Variants in INTU observed in about 807,000 individuals in gnomAD.
INTU encodes inturned planar cell polarity protein.
A neutral mutation model predicts 100.5 loss-of-function variants in INTU; 68 were observed. That is an observed-to-expected ratio of 0.68 (90% CI 0.56 to 0.83). The LOEUF (loss-of-function observed/expected upper bound fraction) is 0.83, where lower values mean the gene tolerates loss of function less well. INTU is among the 40% of genes least tolerant of loss of function. INTU has a pLI of 0.00. For synonymous variants in INTU, 357 were observed against 395.7 expected (o/e 0.90, Z 1.16); for missense variants, 1,071 against 1,114.7 (o/e 0.96, Z 0.56).
At chr4:127,670,840 T>C (rs1224265710) in intron 5 of INTU, among the ~76,000 whole-genome samples, 1 of 151,856 alleles carries the variant, frequency 6.6e-6, no homozygotes, top group Non-Finnish European at 1.5e-5. Flanking sequence ...TTTGACAAAG[T>C]TGACAAAAAT....
Position 127,705,670 on chromosome 4 carries a change from C to G in INTU, c.1646C>G (p.Pro549Arg). 6.2e-7 allele frequency: 1 copy of G among 1,613,774 alleles called. No homozygotes were observed. The highest frequency in any genetic ancestry group is 1.1e-5 in the South Asian group (1 of 91,074). ...AVYCRHYCLL[P>R]LAAKQRIGQL... ...TACTGTCGCCACTATTGCCTGCTGC[C>G]TTTAGCAGCAAAACAAAGAATTGGT... The change falls in exon 11 of 16, where the codon CCT becomes CGT. Residue 549 changes from proline to arginine, a missense_variant. By Grantham distance (103) the Pro-to-Arg change is moderately radical. Coordinates refer to ENST00000335251, the MANE Select transcript of INTU (RefSeq NM_015693.4).
At chr4:127,648,157 C>CT (rs1305397185) in intron 2 of INTU, among the ~76,000 whole-genome samples, 2 of 152,116 alleles carry the variant, frequency 1.3e-5, no homozygotes. Context: ...AATTCATTCC[C>CT]TTTTAGCCTT....
chr4:127,695,579 T>C (rs773685295), intron 8 of INTU, among the ~76,000 whole-genome samples: 1 of 152,246 alleles, frequency 6.6e-6, no homozygotes, highest in South Asian at 2.1e-4. Context: ...AGGGTTAATA[T>C]AGAAAATTGT....
rs370253366 is a variant in INTU, at chr4:127,655,010, T to C, written c.683-1626T>C. ...GCTGATACCCTTTCTTCCAGTTGATTGCATCGGCTCCTGAGGCTTCTGCAT... is the reference window on the plus strand; with the variant it reads ...GCTGATACCCTTTCTTCCAGTTGATCGCATCGGCTCCTGAGGCTTCTGCAT... On this transcript the variant is annotated intron_variant, in intron 2 of 15. Coordinates refer to ENST00000335251, the MANE Select transcript of INTU (RefSeq NM_015693.4). Among the ~76,000 whole-genome samples, 216 of 152,028 alleles carry C rather than the reference T, an allele frequency of 1.4e-3. 1 individual carries two copies. Among genetic ancestry groups the C allele is most frequent in the African/African-American group, 4.6e-3 (189 of 41,442 alleles).
chr4:127,725,297 G>A lies in INTU; in HGVS notation c.*8861G>A, dbSNP rs1461016310. 6.6e-6 allele frequency: 1 copy of A among 152,012 alleles called. No homozygotes were observed. Among genetic ancestry groups the A allele is most frequent in the East Asian group, 1.9e-4 (1 of 5,188 alleles). 9.4% of individuals were successfully genotyped at this position (152,012 alleles called of 1,614,324 possible). ...CACTCCAGCCTGGGCAACAGAACGAGGCTCTGTTTAAAAAACAAAAAAGCT... is the reference window on the plus strand; with the variant it reads ...CACTCCAGCCTGGGCAACAGAACGAAGCTCTGTTTAAAAAACAAAAAAGCT... On this transcript the variant is annotated 3_prime_UTR_variant, in exon 16 of 16. Transcript: ENST00000335251.
At chr4:127,700,129 C>A in intron 9 of INTU, 66 bp downstream of exon 9, 1 of 1,201,882 alleles carries the variant, frequency 8.3e-7, no homozygotes, top group South Asian at 1.4e-5. Flanking sequence ...AGTCATTATT[C>A]TAAATATTTA....
chr4:127,679,610 AG>A (rs1335063359), intron 6 of INTU, among the ~76,000 whole-genome samples: 1 of 152,206 alleles, frequency 6.6e-6, no homozygotes, highest in Non-Finnish European at 1.5e-5. Flanking sequence ...AGCAGTGCAT[AG>A]AGGGAAATTT....
At position 127,720,219 on chromosome 4, in the gene INTU, C is replaced by T. The variant is rs1336292425; in HGVS notation, c.*3783C>T. ...GGTTTCAAAGAACTTCTTGATTTCTCTCTTAATTTCATTATTTACCCAGGA... is the reference window on the plus strand; with the variant it reads ...GGTTTCAAAGAACTTCTTGATTTCTTTCTTAATTTCATTATTTACCCAGGA... On this transcript the variant is annotated 3_prime_UTR_variant, in exon 16 of 16. Transcript: ENST00000335251. 6.6e-6 allele frequency: 1 copy of T among 152,038 alleles called. No individual in the cohort carries two copies. The highest frequency in any genetic ancestry group is 1.5e-5 in the Non-Finnish European group (1 of 67,962). The allele number at this position is 152,038 out of a possible 1,614,324, so 9.4% of individuals were successfully genotyped here.
In INTU at chr4:127,687,665, CTT is replaced by C. The variant is rs1308295877; in HGVS notation, c.1260-12_1260-11del. The stretch of plus-strand genomic sequence containing the variant: ...CCATATGTCGTTCTAACTTACAGCT[CTT>C]ATTTCTCCAGTGCCTTTTGCCAGAT... On this transcript the variant is annotated splice_polypyrimidine_tract_variant and intron_variant, in intron 7 of 15. Transcript: ENST00000335251. 1 of 1,599,616 alleles carries C rather than the reference CTT, an allele frequency of 6.3e-7. No homozygotes were observed. Among genetic ancestry groups the C allele is most frequent in the African/African-American group, 1.3e-5 (1 of 74,706 alleles).
rs548793007 is a variant in INTU at position 127,682,938 on chromosome 4, T to C, written c.1182-1471T>C. 7.4e-4 allele frequency among the ~76,000 whole-genome samples: 112 copies of C among 152,170 alleles called. 1 individual carries two copies. Among genetic ancestry groups the C allele is most frequent in the African/African-American group, 2.6e-3 (107 of 41,520 alleles). On this transcript the variant is annotated intron_variant, in intron 6 of 15. Coordinates refer to ENST00000335251, the MANE Select transcript of INTU (RefSeq NM_015693.4). ...ATACAGTGGTGAGATAAAGGTAGCA[T>C]AGGCAGTTAGAGAGAGGAAAGGCAG... is the stretch of plus-strand genomic sequence containing the variant.
Position 127,691,962 on chromosome 4 carries a change from G to GTGTATATATATATA in INTU, c.1449+4096_1449+4097insGTATATATATATAT. Among the ~76,000 whole-genome samples the GTGTATATATATATA allele has an allele frequency of 8.2e-3, 809 of 98,216 alleles. 118 individuals carry two copies. The highest frequency in any genetic ancestry group is 0.012 in the South Asian group (29 of 2,482). The allele number at this position is 98,216 out of a possible 152,430, so 64.4% of individuals were successfully genotyped here. A position where few individuals can be genotyped will look rare whatever the true frequency, so the allele number is the denominator to read the frequency against. On this transcript the variant is annotated intron_variant, in intron 8 of 15. Coordinates refer to ENST00000335251, the MANE Select transcript of INTU (RefSeq NM_015693.4). ...GGCGGAGTATAGTGTTCCATGGTATGTATATATATATATATATATGTCACA... is the reference window on the plus strand; with the variant it reads ...GGCGGAGTATAGTGTTCCATGGTATGTGTATATATATATATATATATATATATATATATGTCACA...
At position 127,719,761 on chromosome 4, in the gene INTU, T is replaced by C. The variant is rs975436470; in HGVS notation, c.*3325T>C. 2 of 152,212 alleles carry C rather than the reference T, an allele frequency of 1.3e-5. No homozygotes were observed. The highest frequency in any genetic ancestry group is 4.8e-5 in the African/African-American group (2 of 41,458). The allele number at this position is 152,212 out of a possible 1,614,324, so 9.4% of individuals were successfully genotyped here. A position where few individuals can be genotyped will look rare whatever the true frequency, so the allele number is the denominator to read the frequency against. On this transcript the variant is annotated 3_prime_UTR_variant, in exon 16 of 16. Coordinates refer to ENST00000335251, the MANE Select transcript of INTU (RefSeq NM_015693.4). ...TCCATTTCTTCTAGATTTTCGAGTT[T>C]ATTTGCACCGAGCTGTTATAGTATT...
chr4:127,663,231 G>A (rs766940420), intron 3 of INTU, 150 bp from the exon 4 acceptor site: 54 of 592,514 alleles, frequency 9.1e-5, no homozygotes, highest in Middle Eastern at 4.5e-4. Flanking sequence ...AATAGAATAC[G>A]TAGTCCCAGC....
At position 127,687,757 on chromosome 4, in the gene INTU, A is replaced by C; in HGVS notation, c.1339A>C (p.Lys447Gln). ...LFFQRALQPA[K>Q]LHSSASPSAQ... ...CTTTCAAAGAGCACTTCAGCCTGCG[A>C]AACTGCATTCCAGCGCCAGTCCCAG... is the stretch of plus-strand genomic sequence containing the variant. The change falls in exon 8 of 16, where the codon AAA becomes CAA. Residue 447 changes from lysine to glutamine, a missense_variant. Physicochemically the swap from Lys to Gln is moderately conservative, Grantham distance 53. Coordinates refer to ENST00000335251, the MANE Select transcript of INTU (RefSeq NM_015693.4). 6.2e-7 allele frequency: 1 copy of C among 1,613,672 alleles called. No individual in the cohort carries two copies.
chr4:127,709,593 C>T (rs536076428), intron 13 of INTU, among the ~76,000 whole-genome samples: 1 of 152,088 alleles, frequency 6.6e-6, no homozygotes, highest in African/African-American at 2.4e-5. Flanking sequence ...TGTGGTGACA[C>T]GCAGGTCTGC....
rs756520828 is a variant in INTU, at chr4:127,706,946, G to A, written c.2248G>A (p.Glu750Lys). 2 of 1,613,528 alleles carry A rather than the reference G, an allele frequency of 1.2e-6. No homozygotes were observed. The highest frequency in any genetic ancestry group is 2.2e-5 in the East Asian group (1 of 44,882). The change falls in exon 12 of 16, where the codon GAA (glutamate) becomes AAA (lysine). Residue 750 changes from glutamate to lysine, a missense_variant. By Grantham distance (56) the Glu-to-Lys change is moderately conservative. Transcript: ENST00000335251. ...QRESQGSDGL[E>K]ESGTLLKVTK... is the part of the protein sequence containing the mutation. ...AGAATCTCAGGGCTCTGATGGTTTA[G>A]AAGAAAGTGGGACCTTGCTTAAGGT...
intron 1 of INTU, among the ~76,000 whole-genome samples, chr4:127,637,535 A>G (rs1468336570): frequency 6.6e-6 from 1 of 152,104 alleles, no homozygotes; most frequent in Non-Finnish European, 1.5e-5. Flanking sequence ...CTACTTGTCA[A>G]AATCATTCAA....
intron 4 of INTU, among the ~76,000 whole-genome samples, chr4:127,666,219 C>G (rs1408499861): frequency 6.6e-6 from 1 of 152,084 alleles, no homozygotes; most frequent in Non-Finnish European, 1.5e-5. Context: ...TCTCTTGTTG[C>G]TTGCTCATCT....
chr4:127,710,587 CA>C (rs1194900435), intron 13 of INTU, among the ~76,000 whole-genome samples: 1 of 152,012 alleles, frequency 6.6e-6, no homozygotes, highest in Non-Finnish European at 1.5e-5. Context: ...TATTTAATAC[CA>C]ACCATGGAAA....
Sources: gnomAD v4.1 joint callset for allele counts (sites outside exome capture counted in the v4.1 genomes callset) on GRCh38, gnomAD v4.1.1 for gene constraint, MANE v1.5 for transcripts, NCBI Gene and HGNC (gene_info 2026-07-23, HGNC 2026-07-21) for gene names.